Variants in ICE2 observed in about 807,000 individuals in gnomAD.
ICE2 encodes little elongation complex subunit 2.
In ICE2, 87 loss-of-function variants were observed where a neutral mutation model predicts 105.4. That is an observed-to-expected ratio of 0.83 (90% confidence interval 0.69 to 0.99). The LOEUF is 0.99. Among genes scored for constraint, ICE2 ranks in the 50% least tolerant of loss-of-function variants. ICE2 has a pLI of 0.00. For synonymous variants in ICE2, 399 were observed against 392.0 expected (o/e 1.02, Z -0.21); for missense variants, 1,323 against 1,146.7 (o/e 1.15, Z -2.22).
rs573788398 is a variant in ICE2 at position 60,466,629 on chromosome 15, T to C, written c.493A>G (p.Asn165Asp). The change falls in exon 5 of 16, where the codon AAT (asparagine) becomes GAT (aspartate). Residue 165 changes from asparagine (N) to aspartate (D), a missense_variant. Asn to Asp is a conservative substitution (Grantham distance 23). Coordinates refer to ENST00000261520, the MANE Select transcript of ICE2 (RefSeq NM_024611.6). Reference protein sequence around the residue: ...NSAKKCAQDYNMLSDDARLFT... With the variant: ...NSAKKCAQDYDMLSDDARLFT... ...AGACGGGCATCATCAGAAAGCATAT[T>C]ATAATCCTGCGCACATTTCTTTGCA... The C allele has an allele frequency of 6.2e-6, 10 of 1,612,026 alleles. No homozygotes were observed. The South Asian group carries it at 9.9e-5, about 16-fold the overall frequency.
In ICE2 at chr15:60,449,725, T is replaced by C. The variant is rs766076147; in HGVS notation, c.1242A>G (p.Ser414=). The change falls in exon 10 of 16, where the codon TCA becomes TCG. Residue 414 remains serine (S), a synonymous_variant. Coordinates refer to ENST00000261520, the MANE Select transcript of ICE2 (RefSeq NM_024611.6). ...ETFGVTTTKV[S]KSPSPASTST... Reference sequence around the variant, plus strand: ...AAGTACTTGCTGGACTTGGTGATTTTGATACTTTGGTGGTGGTTACTCCAA... The same window carrying C: ...AAGTACTTGCTGGACTTGGTGATTTCGATACTTTGGTGGTGGTTACTCCAA... 1.1e-5 allele frequency: 17 copies of C among 1,614,068 alleles called. No individual in the cohort carries two copies. In the Admixed American group the frequency reaches 2.5e-4, roughly 24 times the overall value.
At chr15:60,452,868 T>G in intron 9 of ICE2, 4 of 985,392 alleles carry the variant, frequency 4.1e-6, no homozygotes, top group Non-Finnish European at 4.8e-6. Flanking sequence ...TACTGAAGAT[T>G]AACAATCTGG....
chr15:60,433,861 G>A (rs2063519818), intron 13 of ICE2, among the ~76,000 whole-genome samples: 1 of 151,948 alleles, frequency 6.6e-6, no homozygotes, highest in South Asian at 2.1e-4. Flanking sequence ...GTAGGGTAGG[G>A]AAAAGCTTTT....
At chr15:60,445,381 G>C in intron 11 of ICE2, 1 of 186,512 alleles carries the variant, frequency 5.4e-6, no homozygotes, top group Non-Finnish European at 1.0e-5. Flanking sequence ...CCGATTTACT[G>C]AATTTCCAGA....
chr15:60,449,290 T>C lies in ICE2; in HGVS notation c.1677A>G (p.Glu559=), dbSNP rs936745678. The change falls in exon 10 of 16, where the codon GAA becomes GAG. Residue 559 remains glutamate, a synonymous_variant. Transcript: ENST00000261520. ...DNSKEKTVGS[E]AAKTEDTVLC... is the part of the protein sequence containing the mutation. ...GAACTGTATCTTCAGTTTTTGCTGC[T>C]TCTGATCCAACAGTCTTTTCCTTTG... is the stretch of plus-strand genomic sequence containing the variant. 67 of 1,613,124 alleles carry C rather than the reference T, an allele frequency of 4.2e-5. No individual in the cohort carries two copies. The highest frequency in any genetic ancestry group is 1.9e-4 in the Middle Eastern group (1 of 5,342).
rs551533311 is a variant in ICE2 at position 60,438,704 on chromosome 15, G to A, written c.2426-2477C>T. On this transcript the variant is annotated intron_variant, in intron 12 of 15. Coordinates refer to ENST00000261520, the MANE Select transcript of ICE2 (RefSeq NM_024611.6). Reference sequence around the variant, plus strand: ...CTATACAGAGAATACCATACTAAGTGCTCTGAGGATCTACCTACTCAAGGA... The same window carrying A: ...CTATACAGAGAATACCATACTAAGTACTCTGAGGATCTACCTACTCAAGGA... The A allele has an allele frequency of 2.0e-5, 3 of 152,312 alleles. No individual in the cohort carries two copies. The East Asian group carries it at 5.8e-4, about 29-fold the overall frequency. 9.4% of individuals were successfully genotyped at this position (152,312 alleles called of 1,614,324 possible). A position where few individuals can be genotyped will look rare whatever the true frequency, so the allele number is the denominator to read the frequency against.
At chr15:60,449,888 C>A in intron 9 of ICE2, 47 bp from the exon 10 acceptor site, 1 of 1,383,912 alleles carries the variant, frequency 7.2e-7, no homozygotes, top group Non-Finnish European at 1.0e-6. Flanking sequence ...TTCAAGCCAC[C>A]CTACCTATCT....
At chr15:60,441,024 T>A (rs989104728) in intron 12 of ICE2, 78 of 150,926 alleles carry the variant, frequency 5.2e-4, no homozygotes, top group African/African-American at 1.8e-3. Flanking sequence ...AAACCTTAAT[T>A]TTTTTTTTTG....
At chr15:60,438,320 TG>T (rs1318032441) in intron 12 of ICE2, 1 of 152,236 alleles carries the variant, frequency 6.6e-6, no homozygotes, top group Non-Finnish European at 1.5e-5. Flanking sequence ...TGTCAATCAC[TG>T]GGACAATTAA....
In ICE2 at chr15:60,455,071, T is replaced by C. The variant is rs201247512; in HGVS notation, c.875A>G (p.Asn292Ser). Residue 292 changes from asparagine (N) to serine (S), a missense_variant, in exon 8 of 16, where the codon AAT becomes AGT. By Grantham distance (46) the Asn-to-Ser change is conservative (BLOSUM62 1). Transcript: ENST00000261520. ...TTCCTTGTACGTTGGTCCATGATTA[T>C]TTAATAAGGTAAATAATGACTGACT... ...LTSQSLFTLLNNHGPTYKEQW... is the reference protein window; with the variant it reads ...LTSQSLFTLLSNHGPTYKEQW... The C allele has an allele frequency of 9.4e-6, 15 of 1,601,692 alleles. No homozygotes were observed. Among genetic ancestry groups the C allele is most frequent in the African/African-American group, 2.7e-5 (2 of 74,292 alleles).
At chr15:60,455,781 C>T (rs1327110635) in intron 6 of ICE2, among the ~76,000 whole-genome samples, 2 of 152,100 alleles carry the variant, frequency 1.3e-5, no homozygotes, top group Admixed American at 1.3e-4. Flanking sequence ...GCATGCCCAG[C>T]TAATTTTTGT....
intron 5 of ICE2, among the ~76,000 whole-genome samples, chr15:60,459,988 T>C (rs2064230009): frequency 6.6e-6 from 1 of 152,162 alleles, no homozygotes; most frequent in African/African-American, 2.4e-5. Context: ...TAAAAGAGAT[T>C]ATCAGATTTT....
At chr15:60,436,082 G>A (rs920974330) in intron 13 of ICE2, 61 bp downstream of exon 13, 12 of 637,680 alleles carry the variant, frequency 1.9e-5, no homozygotes, top group Non-Finnish European at 2.9e-5. Context: ...AATATTTAAA[G>A]AAAAATTAAT....
chr15:60,426,561 C>G (rs1192653017), intron 15 of ICE2, among the ~76,000 whole-genome samples: 1 of 152,150 alleles, frequency 6.6e-6, no homozygotes, highest in Non-Finnish European at 1.5e-5. Flanking sequence ...AAAGCACATT[C>G]TAGACATTAT....
intron 11 of ICE2, among the ~76,000 whole-genome samples, chr15:60,446,742 A>G (rs968973459): frequency 6.6e-6 from 1 of 152,120 alleles, no homozygotes; most frequent in South Asian, 2.1e-4. Flanking sequence ...CTCCACAATG[A>G]TCAATAGTAG....
chr15:60,436,016 A>G (rs1189096708), intron 13 of ICE2, 127 bp downstream of exon 13: 8 of 454,982 alleles, frequency 1.8e-5, no homozygotes, highest in Admixed American at 1.7e-4. Context: ...ACTGAGTCCA[A>G]TGAGACCTCT....
intron 11 of ICE2, among the ~76,000 whole-genome samples, chr15:60,445,308 C>T (rs1283601135): frequency 6.6e-6 from 1 of 152,162 alleles, no homozygotes; most frequent in Admixed American, 6.6e-5. Context: ...GGTGCCTCAA[C>T]CTCCCTAAAG....
At chr15:60,438,273 A>G (rs1484152216) in intron 12 of ICE2, 1 of 152,214 alleles carries the variant, frequency 6.6e-6, no homozygotes, top group Non-Finnish European at 1.5e-5. Flanking sequence ...TTAACTCCTA[A>G]TATTTAGGTA....
chr15:60,443,914 C>G (rs1313692489), intron 11 of ICE2, among the ~76,000 whole-genome samples: 2 of 151,030 alleles, frequency 1.3e-5, no homozygotes, highest in Non-Finnish European at 2.9e-5. Flanking sequence ...GATGAAACAG[C>G]AAGACCCTGC....
Sources: gnomAD v4.1 joint callset for allele counts (sites outside exome capture counted in the v4.1 genomes callset) on GRCh38, gnomAD v4.1.1 for gene constraint, MANE v1.5 for transcripts, NCBI Gene and HGNC (gene_info 2026-07-23, HGNC 2026-07-21) for gene names.